Variants in RPTOR observed in about 807,000 individuals in gnomAD.
The protein encoded by RPTOR is regulatory-associated protein of mTOR.
In RPTOR, 21 loss-of-function variants were observed where a neutral mutation model predicts 169.9. The observed-to-expected ratio is 0.12, with a 90% CI of 0.09 to 0.18. The LOEUF (loss-of-function observed/expected upper bound fraction) is 0.18. RPTOR is among the 10% of genes least tolerant of loss of function. The pLI, the probability that RPTOR is intolerant of heterozygous loss-of-function variation, is 1.00. For missense variants in RPTOR, 1,133 were observed against 1,855.9 expected (o/e 0.61, Z 7.16); for synonymous variants, 732 against 753.2 (o/e 0.97, Z 0.46).
In RPTOR at chr17:80,964,124, C is replaced by T. The variant is rs1005349378; in HGVS notation, c.3940-138C>T. 11 of 734,078 alleles carry T rather than the reference C, an allele frequency of 1.5e-5. No homozygotes were observed. In the Admixed American group the frequency reaches 1.9e-4, roughly 13 times the overall value. 45.5% of individuals were successfully genotyped at this position (734,078 alleles called of 1,614,324 possible). A position where few individuals can be genotyped will look rare whatever the true frequency, so the allele number is the denominator to read the frequency against. On this transcript the variant is annotated intron_variant, in intron 33 of 33. Coordinates refer to ENST00000306801, the MANE Select transcript of RPTOR (RefSeq NM_020761.3). Reference sequence around the variant, plus strand: ...GACTGGTGGGACCGGCCCGGCATTTCCGGGCCTGAGGTGGGCGTGGGGGTT... The same window carrying T: ...GACTGGTGGGACCGGCCCGGCATTTTCGGGCCTGAGGTGGGCGTGGGGGTT...
chr17:80,846,688 C>T (rs2067734697), intron 11 of RPTOR, 114 bp downstream of exon 11: 1 of 806,248 alleles, frequency 1.2e-6, no homozygotes, highest in Non-Finnish European at 2.0e-6. Context: ...TCTGTGACAT[C>T]CCAGCCCCTC....
chr17:80,839,071 A>T (rs183680161), intron 10 of RPTOR, among the ~76,000 whole-genome samples: 4 of 152,266 alleles, frequency 2.6e-5, no homozygotes, highest in Non-Finnish European at 5.9e-5. Flanking sequence ...CAGACTTTTA[A>T]CTTTCAGTGC....
intron 5 of RPTOR, among the ~76,000 whole-genome samples, chr17:80,734,158 T>G (rs2066415692): frequency 6.6e-6 from 1 of 152,162 alleles, no homozygotes; most frequent in South Asian, 2.1e-4. Flanking sequence ...TTTCGTTTGT[T>G]TGCTTTTCCT....
At chr17:80,682,311 A>C (rs898268241) in intron 3 of RPTOR, among the ~76,000 whole-genome samples, 1 of 151,834 alleles carries the variant, frequency 6.6e-6, no homozygotes, top group Non-Finnish European at 1.5e-5. Flanking sequence ...TCCCTATGTA[A>C]CTCAGGCTGG....
At chr17:80,668,746 A>C (rs1265738002) in intron 3 of RPTOR, among the ~76,000 whole-genome samples, 1 of 152,232 alleles carries the variant, frequency 6.6e-6, no homozygotes, top group Non-Finnish European at 1.5e-5. Flanking sequence ...CCTTTTGTTC[A>C]GCAGAGCGGC....
At chr17:80,832,379 A>G (rs1174642551) in intron 9 of RPTOR, among the ~76,000 whole-genome samples, 1 of 152,202 alleles carries the variant, frequency 6.6e-6, no homozygotes, top group Non-Finnish European at 1.5e-5. Flanking sequence ...TGGACGAGGC[A>G]GCTCAGGCCT....
At chr17:80,872,147 T>C (rs935136539) in intron 13 of RPTOR, among the ~76,000 whole-genome samples, 2 of 152,222 alleles carry the variant, frequency 1.3e-5, no homozygotes, top group Non-Finnish European at 2.9e-5. Flanking sequence ...ACAGAAGCTG[T>C]CATCAGCGAG....
chr17:80,885,629 C>T (rs576241354), intron 17 of RPTOR, among the ~76,000 whole-genome samples: 67 of 152,308 alleles, frequency 4.4e-4, no homozygotes, highest in African/African-American at 1.6e-3. Flanking sequence ...CTGCAAGCTC[C>T]GCCTCCCGGG....
In RPTOR at chr17:80,796,279, C is replaced by T. The variant is rs528234095; in HGVS notation, c.890+4770C>T. The stretch of plus-strand genomic sequence containing the variant: ...CCCACAATAGGTCATCTGCAAGCTG[C>T]GGAGCAAGGAAGCCAGTCTGACTCC... On this transcript the variant is annotated intron_variant, in intron 7 of 33. Transcript: ENST00000306801. Among the ~76,000 whole-genome samples, 45 of 152,310 alleles carry T rather than the reference C, an allele frequency of 3.0e-4. 1 individual carries two copies. Among genetic ancestry groups the T allele is most frequent in the African/African-American group, 9.1e-4 (38 of 41,570 alleles).
chr17:80,894,170 G>T (rs2068369608), intron 20 of RPTOR, among the ~76,000 whole-genome samples: 1 of 152,190 alleles, frequency 6.6e-6, no homozygotes, highest in African/African-American at 2.4e-5. Flanking sequence ...ACGGGTGAGA[G>T]TTCTTCATGG....
intron 17 of RPTOR, among the ~76,000 whole-genome samples, chr17:80,889,067 C>T (rs530213964): frequency 2.0e-5 from 3 of 152,324 alleles, no homozygotes; most frequent in African/African-American, 7.2e-5. Flanking sequence ...ACCTCACCTT[C>T]GGCTGCCCAG....
intron 21 of RPTOR, among the ~76,000 whole-genome samples, chr17:80,917,824 G>A (rs1401482126): frequency 6.6e-6 from 1 of 152,032 alleles, no homozygotes; most frequent in Non-Finnish European, 1.5e-5. Context: ...TCCGGGAATC[G>A]TGAGCTCTAC....
At chr17:80,697,243 A>G (rs1339869900) in intron 3 of RPTOR, among the ~76,000 whole-genome samples, 1 of 152,246 alleles carries the variant, frequency 6.6e-6, no homozygotes. Context: ...TTGTGGGCTC[A>G]GAATAGGGGA....
chr17:80,607,175 G>T (rs1451469871), intron 1 of RPTOR, among the ~76,000 whole-genome samples: 2 of 152,114 alleles, frequency 1.3e-5, no homozygotes, highest in African/African-American at 4.8e-5. Context: ...CTTGCCTCAA[G>T]TGATCTTCCT....
At chr17:80,599,034 G>A (rs759614348) in intron 1 of RPTOR, among the ~76,000 whole-genome samples, 1 of 152,004 alleles carries the variant, frequency 6.6e-6, no homozygotes, top group Non-Finnish European at 1.5e-5. Context: ...CCAGCCCCCC[G>A]GGAAGCTGGC....
At chr17:80,734,807 C>T (rs527401196) in intron 5 of RPTOR, among the ~76,000 whole-genome samples, 5 of 152,038 alleles carry the variant, frequency 3.3e-5, no homozygotes, top group Admixed American at 6.5e-5. Flanking sequence ...CCAAGACATT[C>T]GGGGAAAAAA....
chr17:80,741,029 TAAC>T (rs1183678396), intron 5 of RPTOR, among the ~76,000 whole-genome samples: 1 of 152,236 alleles, frequency 6.6e-6, no homozygotes, highest in Non-Finnish European at 1.5e-5. Context: ...AGATGGGTAA[TAAC>T]AAGTGTTGAC....
chr17:80,939,975 C>T (rs1303081079), intron 24 of RPTOR, among the ~76,000 whole-genome samples: 21 of 152,168 alleles, frequency 1.4e-4, no homozygotes, highest in Non-Finnish European at 2.8e-4. Flanking sequence ...GCGTGGAGAG[C>T]GCCTCTCCCA....
At chr17:80,774,094 CCT>C in intron 6 of RPTOR, 1 of 985,396 alleles carries the variant, frequency 1.0e-6, no homozygotes, top group Non-Finnish European at 1.2e-6. Flanking sequence ...ACTAGAAACA[CCT>C]CAAGTTTTTA....
Sources: gnomAD v4.1 joint callset for allele counts (sites outside exome capture counted in the v4.1 genomes callset) on GRCh38, gnomAD v4.1.1 for gene constraint, MANE v1.5 for transcripts, NCBI Gene and HGNC (gene_info 2026-07-23, HGNC 2026-07-21) for gene names.